ERO1A: variants seen among roughly 807,000 people sequenced by gnomAD.
ERO1A encodes the protein endoplasmic reticulum oxidoreductase 1 alpha, also known as ERO1-like protein alpha.
In ERO1A, 49 loss-of-function variants were observed where a neutral mutation model predicts 76.9. That is an observed-to-expected ratio of 0.64 (90% CI 0.51 to 0.81). ERO1A has a LOEUF of 0.81. ERO1A is among the 30% of genes least tolerant of loss of function. ERO1A has a pLI of 0.00. For synonymous variants in ERO1A, 174 were observed against 181.2 expected, an observed-to-expected ratio of 0.96 and a Z score of 0.32; for missense variants, 448 against 542.1, an observed-to-expected ratio of 0.83 and a Z score of 1.72.
At chr14:52,693,832 A>G (rs1263186680) in intron 1 of ERO1A, among the ~76,000 whole-genome samples, 3 of 152,142 alleles carry the variant, frequency 2.0e-5, no homozygotes, top group African/African-American at 7.2e-5. Flanking sequence ...GTCTGAAAAG[A>G]AACACAGATA....
Position 52,671,904 on chromosome 14 carries a change from C to A in ERO1A, c.358-33G>T, listed in dbSNP as rs561733579. ...GAAAAAGGGAATAAATAGATAATAACTTATTGCATTTTTAAAACTTGTTTA... is the reference window on the plus strand; with the variant it reads ...GAAAAAGGGAATAAATAGATAATAAATTATTGCATTTTTAAAACTTGTTTA... On this transcript the variant is annotated intron_variant, in intron 4 of 15. Transcript: ENST00000395686. The A allele has an allele frequency of 1.8e-5, 24 of 1,339,612 alleles. No individual in the cohort carries two copies. The East Asian group carries it at 4.9e-4, about 27-fold the overall frequency. 83.0% of individuals were successfully genotyped at this position (1,339,612 alleles called of 1,614,324 possible).
intron 12 of ERO1A, 83 bp from the exon 13 acceptor site, chr14:52,652,391 A>G (rs1162747917): frequency 1.1e-6 from 1 of 894,704 alleles, no homozygotes; most frequent in African/African-American, 1.7e-5. Context: ...ACTGGTCATG[A>G]TAAATAAAGA....
At chr14:52,664,849 G>A (rs570461144) in intron 7 of ERO1A, among the ~76,000 whole-genome samples, 13 of 152,062 alleles carry the variant, frequency 8.5e-5, no homozygotes, top group South Asian at 2.1e-4. Flanking sequence ...CCACCACTAC[G>A]CCCGGCTAAT....
At chr14:52,684,154 G>C (rs999178260) in intron 1 of ERO1A, among the ~76,000 whole-genome samples, 172 of 109,128 alleles carry the variant, frequency 1.6e-3, no homozygotes, top group East Asian at 3.8e-3. Context: ...CACACACAGA[G>C]AGAGTTGGCC....
rs1462138760 is a variant in ERO1A, at chr14:52,641,078, T to C, written c.*2492A>G. ...GGGGGTGGTTCAGGAGTGAGCAAAA[T>C]GTAAGAAGTCAAGGGAATAAATCTT... On this transcript the variant is annotated 3_prime_UTR_variant, in exon 16 of 16. Coordinates refer to ENST00000395686, the MANE Select transcript of ERO1A (RefSeq NM_014584.3). The C allele has an allele frequency of 1.3e-5, 2 of 151,882 alleles. No homozygotes were observed. Among genetic ancestry groups the C allele is most frequent in the South Asian group, 4.1e-4 (2 of 4,826 alleles). The allele number at this position is 151,882 out of a possible 1,614,324, so 9.4% of individuals were successfully genotyped here.
intron 4 of ERO1A, among the ~76,000 whole-genome samples, chr14:52,676,510 C>T (rs933727835): frequency 7.2e-5 from 11 of 152,160 alleles, no homozygotes; most frequent in Non-Finnish European, 1.6e-4. Flanking sequence ...ACACCTTCCC[C>T]GTGCTTCCCA....
At chr14:52,658,088 AC>A (rs2040111394) in intron 10 of ERO1A, 35 bp downstream of exon 10, 2 of 1,506,998 alleles carry the variant, frequency 1.3e-6, no homozygotes, top group African/African-American at 2.8e-5. Flanking sequence ...TGAGAAAAAA[AC>A]CATCATTGAA....
intron 3 of ERO1A, among the ~76,000 whole-genome samples, chr14:52,679,903 T>C (rs1266832452): frequency 6.6e-6 from 1 of 151,778 alleles, no homozygotes; most frequent in Non-Finnish European, 1.5e-5. Flanking sequence ...ATACAAAAAA[T>C]TAGCTGGGCA....
At chr14:52,667,538 G>A (rs1424399004) in intron 6 of ERO1A, among the ~76,000 whole-genome samples, 2 of 152,062 alleles carry the variant, frequency 1.3e-5, no homozygotes, top group African/African-American at 4.8e-5. Context: ...CAGGCAACCT[G>A]GTGAAACACC....
intron 3 of ERO1A, among the ~76,000 whole-genome samples, chr14:52,679,446 C>T (rs1010727834): frequency 4.7e-5 from 7 of 150,438 alleles, no homozygotes; most frequent in Non-Finnish European, 5.9e-5. Context: ...TAGGGTCTCA[C>T]TCTGTTGCCC....
chr14:52,686,302 C>T (rs984064887), intron 1 of ERO1A, among the ~76,000 whole-genome samples: 1 of 152,238 alleles, frequency 6.6e-6, no homozygotes, highest in Admixed American at 6.5e-5. Context: ...CAGCACCATA[C>T]TGTCTCATTA....
At chr14:52,659,892 G>A (rs2040176370) in intron 9 of ERO1A, among the ~76,000 whole-genome samples, 1 of 151,322 alleles carries the variant, frequency 6.6e-6, no homozygotes, top group African/African-American at 2.4e-5. Flanking sequence ...GGAGGGCAGT[G>A]GCTCCATCTC....
chr14:52,640,435 G>A lies in ERO1A; in HGVS notation c.*3135C>T, dbSNP rs750758582. On this transcript the variant is annotated 3_prime_UTR_variant, in exon 16 of 16. Coordinates refer to ENST00000395686, the MANE Select transcript of ERO1A (RefSeq NM_014584.3). ...GGCCAAATGTGGCTTCTGAAGAAGT[G>A]TAAGTCTGTTTCACCAGAACATTCG... 1.3e-5 allele frequency: 2 copies of A among 152,230 alleles called. No homozygotes were observed. The highest frequency in any genetic ancestry group is 4.8e-5 in the African/African-American group (2 of 41,452). 9.4% of individuals were successfully genotyped at this position (152,230 alleles called of 1,614,324 possible). A position where few individuals can be genotyped will look rare whatever the true frequency, so the allele number is the denominator to read the frequency against.
rs879891041 is a variant in ERO1A at position 52,643,299 on chromosome 14, T to C, written c.*271A>G. The C allele has an allele frequency of 2.5e-5, 6 of 239,710 alleles. No homozygotes were observed. Among genetic ancestry groups the C allele is most frequent in the Non-Finnish European group, 3.9e-5 (5 of 126,854 alleles). 14.8% of individuals were successfully genotyped at this position (239,710 alleles called of 1,614,324 possible). Reference sequence around the variant, plus strand: ...ACTTAGAACATTCACTTTTATCATATATGAATTTGATAATCCTCCTTTTAT... The same window carrying C: ...ACTTAGAACATTCACTTTTATCATACATGAATTTGATAATCCTCCTTTTAT... On this transcript the variant is annotated 3_prime_UTR_variant, in exon 16 of 16. Transcript: ENST00000395686.
At chr14:52,693,556 G>A (rs1467657813) in intron 1 of ERO1A, among the ~76,000 whole-genome samples, 1 of 152,018 alleles carries the variant, frequency 6.6e-6, no homozygotes, top group African/African-American at 2.4e-5. Context: ...AATACAGACC[G>A]GGTCTCCAAG....
intron 11 of ERO1A, among the ~76,000 whole-genome samples, chr14:52,654,468 T>C (rs2039977558): frequency 2.0e-5 from 3 of 152,170 alleles, no homozygotes; most frequent in Admixed American, 2.0e-4. Flanking sequence ...TAAATTTATA[T>C]GTTTATTGAG....
chr14:52,658,193 C>A (rs1159980581), intron 9 of ERO1A, 43 bp from the exon 10 acceptor site: 2 of 1,368,562 alleles, frequency 1.5e-6, no homozygotes, highest in African/African-American at 1.5e-5. Flanking sequence ...AGAAAAATGC[C>A]AAAATACAAG....
chr14:52,666,207 T>C (rs563435237), intron 7 of ERO1A, among the ~76,000 whole-genome samples, 168 bp downstream of exon 7: 11 of 152,324 alleles, frequency 7.2e-5, no homozygotes, highest in African/African-American at 2.4e-4. Flanking sequence ...CTCACGTCTA[T>C]ATATTTCCCC....
At chr14:52,673,790 T>A (rs1299687590) in intron 4 of ERO1A, among the ~76,000 whole-genome samples, 1 of 152,132 alleles carries the variant, frequency 6.6e-6, no homozygotes, top group African/African-American at 2.4e-5. Context: ...CAAGCTTAAG[T>A]GCAGTGGCAC....
Sources: allele counts gnomAD v4.1 joint callset (sites outside exome capture counted in the v4.1 genomes callset), GRCh38; gene constraint gnomAD v4.1.1; transcripts MANE v1.5; gene names NCBI Gene and HGNC (gene_info 2026-07-23, HGNC 2026-07-21).